HERC4: variants seen among roughly 807,000 people sequenced by gnomAD.
HERC4 encodes the protein probable E3 ubiquitin-protein ligase HERC4.
A neutral mutation model predicts 124.3 loss-of-function variants in HERC4; 28 were observed. The observed-to-expected ratio is 0.23, with a 90% CI of 0.17 to 0.31. The LOEUF (loss-of-function observed/expected upper bound fraction) is 0.31. HERC4 is among the 10% of genes least tolerant of loss of function. The probability of loss-of-function intolerance (pLI) is 1.00; values close to 1 mark genes in which losing one functional copy is unlikely to be tolerated. For synonymous variants in HERC4, 407 were observed against 421.5 expected (o/e 0.97, Z 0.42); for missense variants, 713 against 1,229.3 (o/e 0.58, Z 6.28).
chr10:68,026,002 TATC>T (rs2038879106), intron 7 of HERC4, among the ~76,000 whole-genome samples: 1 of 152,204 alleles, frequency 6.6e-6, no homozygotes, highest in South Asian at 2.1e-4. Flanking sequence ...CTAAAAACGG[TATC>T]ATCTTCACTT....
chr10:67,954,071 G>C (rs368548157), intron 19 of HERC4: 4 of 152,294 alleles, frequency 2.6e-5, no homozygotes, highest in Admixed American at 6.5e-5. Flanking sequence ...TAAAGAACCA[G>C]ATGGCAAATA....
chr10:67,945,603 G>A (rs987199627), intron 19 of HERC4, among the ~76,000 whole-genome samples: 10 of 135,276 alleles, frequency 7.4e-5, no homozygotes, highest in Non-Finnish European at 1.2e-4. Flanking sequence ...TGAGTATAAA[G>A]ACTAAAACAT....
intron 3 of HERC4, chr10:68,068,824 G>T: frequency 6.5e-6 from 1 of 153,296 alleles, no homozygotes; most frequent in Non-Finnish European, 1.4e-5. Flanking sequence ...GTCTCAAGAT[G>T]TGCTAGCCAA....
chr10:67,995,133 G>A (rs771380586), intron 9 of HERC4: 10 of 352,360 alleles, frequency 2.8e-5, no homozygotes, highest in Non-Finnish European at 5.6e-5. Context: ...CTGTAAATTG[G>A]TGGTTGAATC....
chr10:67,974,127 CAG>C lies in HERC4; in HGVS notation c.1807-7327_1807-7326del, dbSNP rs1275050838. 1.2e-4 allele frequency among the ~76,000 whole-genome samples: 17 copies of C among 138,462 alleles called. 1 individual carries two copies. Among genetic ancestry groups the C allele is most frequent in the Middle Eastern group, 4.3e-3 (1 of 232 alleles). 90.8% of individuals were successfully genotyped at this position (138,462 alleles called of 152,430 possible). A position where few individuals can be genotyped will look rare whatever the true frequency, so the allele number is the denominator to read the frequency against. On this transcript the variant is annotated intron_variant, in intron 15 of 24. Transcript: ENST00000373700. ...ACACACACACACACACACATACACACAGGGTCAGGAAAACAAGACAACCTTTC... is the reference window on the plus strand; with the variant it reads ...ACACACACACACACACACATACACACGGTCAGGAAAACAAGACAACCTTTC...
intron 19 of HERC4, among the ~76,000 whole-genome samples, chr10:67,945,430 G>C (rs1002157835): frequency 6.6e-6 from 1 of 152,162 alleles, no homozygotes; most frequent in Non-Finnish European, 1.5e-5. Flanking sequence ...ATCAACATGA[G>C]ACCTGTTCAA....
At chr10:67,941,219 T>G (rs1049143899) in intron 19 of HERC4, 114 bp from the exon 20 acceptor site, 2 of 673,124 alleles carry the variant, frequency 3.0e-6, no homozygotes, top group Non-Finnish European at 4.6e-6. Flanking sequence ...AAGTAATAAA[T>G]AACAAAAGTT....
intron 19 of HERC4, among the ~76,000 whole-genome samples, chr10:67,944,953 C>G (rs1310398370): frequency 6.6e-6 from 1 of 152,110 alleles, no homozygotes; most frequent in Non-Finnish European, 1.5e-5. Context: ...CCTACAAGAT[C>G]TAGAGAATCG....
chr10:67,997,514 T>G (rs1346660455), intron 9 of HERC4, among the ~76,000 whole-genome samples: 1 of 152,190 alleles, frequency 6.6e-6, no homozygotes, highest in Non-Finnish European at 1.5e-5. Flanking sequence ...AGTATCCACA[T>G]TTCCTCTCAT....
At chr10:67,972,529 G>GAA (rs58031306) in intron 15 of HERC4, among the ~76,000 whole-genome samples, 4 of 58,396 alleles carry the variant, frequency 6.8e-5, no homozygotes, top group African/African-American at 2.0e-4. Flanking sequence ...CAAAAAAGAG[G>GAA]AAAAAAAAAA....
At chr10:68,061,750 G>A (rs551243651) in intron 3 of HERC4, among the ~76,000 whole-genome samples, 13 of 150,338 alleles carry the variant, frequency 8.6e-5, no homozygotes, top group African/African-American at 3.2e-4. Context: ...GCATGGTGGC[G>A]GGTGCCTGTA....
intron 9 of HERC4, among the ~76,000 whole-genome samples, chr10:68,002,466 T>C (rs751645732): frequency 7.2e-5 from 11 of 151,832 alleles, no homozygotes; most frequent in Admixed American, 1.3e-4. Flanking sequence ...TCCAACTAAG[T>C]AGTAAATTAA....
At chr10:67,959,127 G>A (rs1362273911) in intron 16 of HERC4, 4 of 1,597,312 alleles carry the variant, frequency 2.5e-6, no homozygotes, top group Admixed American at 3.5e-5. Context: ...GTTAATCCAT[G>A]GTTGACATCC....
chr10:68,021,391 A>G (rs540365043), intron 8 of HERC4, among the ~76,000 whole-genome samples: 21 of 152,340 alleles, frequency 1.4e-4, no homozygotes, highest in African/African-American at 4.6e-4. Context: ...GACACACACA[A>G]TCATCTGAAT....
At chr10:68,059,828 TATTATATATTATA>T (rs1400073463) in intron 3 of HERC4, among the ~76,000 whole-genome samples, 1 of 61,328 alleles carries the variant, frequency 1.6e-5, no homozygotes, top group African/African-American at 2.0e-4. Flanking sequence ...TATATCATAA[TATTATATATTATA>T]ATATATTATA....
intron 2 of HERC4, 91 bp from the exon 3 acceptor site, chr10:68,073,277 G>T: frequency 1.7e-6 from 1 of 580,470 alleles, no homozygotes; most frequent in Non-Finnish European, 3.0e-6. Context: ...ATTGCTACAT[G>T]GTAAACATTA....
chr10:68,029,869 C>A (rs925112158), intron 7 of HERC4, among the ~76,000 whole-genome samples: 1 of 150,816 alleles, frequency 6.6e-6, no homozygotes, highest in South Asian at 2.1e-4. Context: ...CTCCCGACTA[C>A]CTGGGATTAC....
At chr10:68,066,274 T>C (rs997713889) in intron 3 of HERC4, among the ~76,000 whole-genome samples, 16 of 152,318 alleles carry the variant, frequency 1.1e-4, no homozygotes, top group African/African-American at 3.6e-4. Flanking sequence ...TTGTATGATA[T>C]ATTGGGAATA....
At chr10:67,975,212 A>T (rs2035513567) in intron 15 of HERC4, among the ~76,000 whole-genome samples, 1 of 151,992 alleles carries the variant, frequency 6.6e-6, no homozygotes, top group South Asian at 2.1e-4. Context: ...AATTCACTCA[A>T]ATTTTATGCT....
Sources: gnomAD v4.1 joint callset for allele counts (sites outside exome capture counted in the v4.1 genomes callset) on GRCh38, gnomAD v4.1.1 for gene constraint, MANE v1.5 for transcripts, NCBI Gene and HGNC (gene_info 2026-07-23, HGNC 2026-07-21) for gene names.